The following EEPD1 variants were observed in gnomAD, a reference collection of about 807,000 sequenced individuals.
EEPD1 encodes the protein endonuclease/exonuclease/phosphatase family domain containing 1, also known as endonuclease/exonuclease/phosphatase family domain-containing protein 1.
EEPD1 carries 17 observed loss-of-function variants against 46.3 expected under a neutral mutation model. The observed-to-expected ratio is 0.37, with a 90% CI of 0.25 to 0.55. EEPD1 has a LOEUF of 0.55. EEPD1 is among the 20% of genes least tolerant of loss of function. The pLI is 0.83. For missense variants in EEPD1, 673 were observed against 745.6 expected (o/e 0.90, Z 1.13); for synonymous variants, 313 against 315.6 (o/e 0.99, Z 0.09).
At chr7:36,291,144 C>T (rs578172998) in intron 6 of EEPD1, among the ~76,000 whole-genome samples, 2 of 152,302 alleles carry the variant, frequency 1.3e-5, no homozygotes, top group South Asian at 2.1e-4. Context: ...TGCATCCCAA[C>T]GAAAACCTCC....
intron 5 of EEPD1, among the ~76,000 whole-genome samples, chr7:36,286,281 G>C (rs1211911722): frequency 6.6e-6 from 1 of 152,142 alleles, no homozygotes; most frequent in Non-Finnish European, 1.5e-5. Flanking sequence ...TACAGAGATG[G>C]GGCTCATCTC....
At chr7:36,246,763 A>G (rs1385263037) in intron 3 of EEPD1, among the ~76,000 whole-genome samples, 1 of 152,110 alleles carries the variant, frequency 6.6e-6, no homozygotes, top group East Asian at 1.9e-4. Flanking sequence ...GCAGACCTCT[A>G]AGATGTCTTA....
intron 2 of EEPD1, among the ~76,000 whole-genome samples, chr7:36,217,165 G>C (rs575031729): frequency 6.6e-6 from 1 of 152,254 alleles, no homozygotes; most frequent in Non-Finnish European, 1.5e-5. Flanking sequence ...GCAGAGCAGC[G>C]GCATGGGCCA....
intron 2 of EEPD1, among the ~76,000 whole-genome samples, chr7:36,155,619 C>T (rs1784813797): frequency 6.6e-6 from 1 of 152,176 alleles, no homozygotes; most frequent in Non-Finnish European, 1.5e-5. Flanking sequence ...TCAAATATGC[C>T]TATTTGTGCA....
At chr7:36,273,019 G>A (rs1248398161) in intron 3 of EEPD1, among the ~76,000 whole-genome samples, 1 of 152,172 alleles carries the variant, frequency 6.6e-6, no homozygotes, top group African/African-American at 2.4e-5. Context: ...TGAAATCTGG[G>A]TCATCAGGGC....
intron 2 of EEPD1, among the ~76,000 whole-genome samples, chr7:36,158,518 C>T (rs1248835296): frequency 6.6e-6 from 1 of 152,184 alleles, no homozygotes; most frequent in African/African-American, 2.4e-5. Flanking sequence ...AACCTTCTTA[C>T]AGCATGTGTG....
intron 6 of EEPD1, among the ~76,000 whole-genome samples, chr7:36,291,922 C>T (rs765490983): frequency 2.6e-5 from 4 of 152,202 alleles, no homozygotes; most frequent in African/African-American, 4.8e-5. Context: ...GATTTCTACT[C>T]GCTTTGCTTG....
Position 36,225,229 on chromosome 7 carries a change from A to G in EEPD1, c.879-13756A>G, listed in dbSNP as rs993161153. Among the ~76,000 whole-genome samples the G allele has an allele frequency of 3.3e-5, 5 of 152,214 alleles. No individual in the cohort carries two copies. Among genetic ancestry groups the G allele is most frequent in the Admixed American group, 2.6e-4 (4 of 15,286 alleles). ...AGAACAGCCACAGAAAACAACACAA[A>G]TGCCATGGAAAATCAAATCAGTGAT... On this transcript the variant is annotated intron_variant, in intron 2 of 7. Coordinates refer to ENST00000242108, the MANE Select transcript of EEPD1 (RefSeq NM_030636.3). This position sits in a 1 kb window ranked among gnomAD's most constrained non-coding sequence, Gnocchi z 4.2.
rs1159836240 is a variant in EEPD1 at position 36,154,730 on chromosome 7, C to T, written c.406C>T (p.Arg136Cys). 1.2e-6 allele frequency: 2 copies of T among 1,614,050 alleles called. No homozygotes were observed. The highest frequency in any genetic ancestry group is 1.7e-6 in the Non-Finnish European group (2 of 1,180,028). Residue 136 changes from arginine (R) to cysteine (C), a missense_variant, in exon 2 of 8, where the codon CGT (arginine) becomes TGT (cysteine). Physicochemically the swap from Arg to Cys is radical, Grantham distance 180. Transcript: ENST00000242108. This position sits in a 1 kb window ranked among gnomAD's most constrained non-coding sequence, Gnocchi z 4.2. Reference protein sequence around the residue: ...HLATAVPLTPRVNINTATPAQ... With the variant: ...HLATAVPLTPCVNINTATPAQ... ...GGCCACAGCTGTGCCCCTCACCCCA[C>T]GTGTTAACATCAACACAGCCACCCC...
rs1436823869 is a variant in EEPD1 at position 36,153,286 on chromosome 7, G to GC, written c.-579dup. ...GCTTTGACACCGACTGCGAGCGGGA[G>GC]CCGTGCGGCTGGTGCTGGGTCTGGA... is the stretch of plus-strand genomic sequence containing the variant. On this transcript the variant is annotated 5_prime_UTR_variant, in exon 1 of 8. Coordinates refer to ENST00000242108, the MANE Select transcript of EEPD1 (RefSeq NM_030636.3). 6.6e-6 allele frequency: 1 copy of GC among 152,492 alleles called. No individual in the cohort carries two copies. The highest frequency in any genetic ancestry group is 1.5e-5 in the Non-Finnish European group (1 of 68,316). 9.4% of individuals were successfully genotyped at this position (152,492 alleles called of 1,614,324 possible).
intron 2 of EEPD1, among the ~76,000 whole-genome samples, chr7:36,203,463 C>G (rs150200796): frequency 6.9e-4 from 105 of 152,316 alleles, no homozygotes; most frequent in African/African-American, 2.4e-3. Context: ...CTTTCTTCCT[C>G]AGGATTCCAG....
chr7:36,191,454 GA>G (rs1473028569), intron 2 of EEPD1, among the ~76,000 whole-genome samples: 1 of 152,206 alleles, frequency 6.6e-6, no homozygotes, highest in African/African-American at 2.4e-5. Flanking sequence ...GAGGGGCAGA[GA>G]TGCTGTGGTA....
chr7:36,252,829 C>CTTTTTTTTT (rs71553053), intron 3 of EEPD1, among the ~76,000 whole-genome samples: 2 of 54,850 alleles, frequency 3.6e-5, no homozygotes, highest in African/African-American at 1.5e-4. Flanking sequence ...GTGTTCTCTC[C>CTTTTTTTTT]TTTTTTTTTT....
chr7:36,177,133 C>T (rs1406152921), intron 2 of EEPD1, among the ~76,000 whole-genome samples: 1 of 152,064 alleles, frequency 6.6e-6, no homozygotes, highest in African/African-American at 2.4e-5. Flanking sequence ...TACTAAAAAT[C>T]ATTGAATTTT....
chr7:36,263,342 G>C lies in EEPD1; in HGVS notation c.931-17773G>C, dbSNP rs564606105. ...GAACACCCTGTCTCAAGGGAGGGGG[G>C]GGAAAAAGCAGAGTTAATTAGGTTT... On this transcript the variant is annotated intron_variant, in intron 3 of 7. Transcript: ENST00000242108. Among the ~76,000 whole-genome samples the C allele has an allele frequency of 3.9e-5, 6 of 152,126 alleles. No individual in the cohort carries two copies. The East Asian group carries it at 9.7e-4, about 25-fold the overall frequency.
intron 5 of EEPD1, 79 bp downstream of exon 5, chr7:36,284,899 A>G (rs1286406773): frequency 2.8e-6 from 4 of 1,407,984 alleles, no homozygotes; most frequent in African/African-American, 3.0e-5. Context: ...TTGTAATAGC[A>G]TGAGTAAGAG....
intron 5 of EEPD1, among the ~76,000 whole-genome samples, chr7:36,287,400 G>A (rs953427486): frequency 3.3e-5 from 5 of 152,124 alleles, no homozygotes; most frequent in Non-Finnish European, 7.4e-5. Context: ...TCTAAGTGAG[G>A]AGTAGGCGGT....
chr7:36,256,196 T>C lies in EEPD1; in HGVS notation c.930+17160T>C, dbSNP rs141919539. Among the ~76,000 whole-genome samples, 783 of 152,112 alleles carry C rather than the reference T, an allele frequency of 5.1e-3. 7 individuals are homozygous for C. The highest frequency in any genetic ancestry group is 0.018 in the African/African-American group (751 of 41,548). On this transcript the variant is annotated intron_variant, in intron 3 of 7. Transcript: ENST00000242108. ...TGCACTGTGTGCTGAGAGACTGTTA[T>C]GATTTCCATTGTTTTGCATTTGCTG...
chr7:36,168,867 G>A (rs1004395506), intron 2 of EEPD1, among the ~76,000 whole-genome samples: 2 of 152,054 alleles, frequency 1.3e-5, no homozygotes, highest in African/African-American at 4.8e-5. Context: ...GTCCTCTTGG[G>A]GGTACTGCCC....
Sources: allele counts gnomAD v4.1 joint callset (sites outside exome capture counted in the v4.1 genomes callset), GRCh38; gene constraint gnomAD v4.1.1; non-coding constraint Gnocchi (gnomAD v3.1); transcripts MANE v1.5; gene names NCBI Gene and HGNC (gene_info 2026-07-23, HGNC 2026-07-21).